The following EPC1 variants were observed in gnomAD, a reference collection of about 807,000 sequenced individuals.
EPC1 encodes the protein enhancer of polycomb homolog 1.
EPC1 carries 12 observed loss-of-function variants against 98.4 expected under a neutral mutation model. The observed-to-expected ratio is 0.12, with a 90% CI of 0.08 to 0.20. EPC1 has a LOEUF of 0.20. EPC1 is among the 10% of genes least tolerant of loss of function. The pLI is 1.00. For missense variants in EPC1, 729 were observed against 990.5 expected (o/e 0.74, Z 3.54); for synonymous variants, 357 against 363.9 (o/e 0.98, Z 0.21).
chr10:32,347,583 C>T (rs1315218556), upstream of EPC1: 1 of 152,030 alleles, frequency 6.6e-6, no homozygotes, highest in Non-Finnish European at 1.5e-5. Context: ...GGGCTCGGAC[C>T]TCTGGGGTGC....
intron 6 of EPC1, among the ~76,000 whole-genome samples, chr10:32,288,213 A>C (rs1334251144): frequency 1.3e-5 from 2 of 152,158 alleles, no homozygotes; most frequent in Admixed American, 1.3e-4. Context: ...TAATCAAATC[A>C]AAAGTTGGCC....
At chr10:32,333,066 G>A (rs975835966) in intron 1 of EPC1, among the ~76,000 whole-genome samples, 2 of 152,168 alleles carry the variant, frequency 1.3e-5, no homozygotes, top group African/African-American at 4.8e-5. Flanking sequence ...TTTTGGCTGG[G>A]CGCGGTGGCT....
At chr10:32,368,869 C>T (rs1314731683) in intron 1 of EPC1, among the ~76,000 whole-genome samples, 1 of 152,148 alleles carries the variant, frequency 6.6e-6, no homozygotes, top group African/African-American at 2.4e-5. Flanking sequence ...TTTAGATGCA[C>T]AAACTCATTG....
intron 1 of EPC1, among the ~76,000 whole-genome samples, chr10:32,309,493 C>CTTTTTTTTTT (rs67775039): frequency 1.4e-5 from 2 of 142,440 alleles, no homozygotes; most frequent in Non-Finnish European, 3.0e-5. Context: ...TATTTTCAAG[C>CTTTTTTTTTT]TTTTTTTTTT....
At chr10:32,286,516 C>T (rs10508773) in intron 9 of EPC1, 178 bp downstream of exon 9, 121,663 of 701,706 alleles carry the variant, frequency 0.17, 11,919 homozygotes, top group South Asian at 0.3. Context: ...ATGTCAAAAA[C>T]TATGGATGTG....
chr10:32,369,431 T>A (rs1839688091), intron 1 of EPC1, among the ~76,000 whole-genome samples: 1 of 152,034 alleles, frequency 6.6e-6, no homozygotes, highest in Non-Finnish European at 1.5e-5. Context: ...TAAATATAAA[T>A]AAGGCTCAGT....
intron 10 of EPC1, among the ~76,000 whole-genome samples, chr10:32,279,387 A>G (rs1467655063): frequency 6.6e-6 from 1 of 151,740 alleles, no homozygotes; most frequent in Non-Finnish European, 1.5e-5. Context: ...TGAATTTTGG[A>G]ACACATTTGA....
intron 1 of EPC1, among the ~76,000 whole-genome samples, chr10:32,307,038 T>C (rs963443227): frequency 1.3e-5 from 2 of 152,230 alleles, no homozygotes; most frequent in African/African-American, 4.8e-5. Context: ...TATATTCCTA[T>C]ATAAATGGAT....
chr10:32,325,224 A>C (rs1210313745), intron 1 of EPC1, among the ~76,000 whole-genome samples: 1 of 152,180 alleles, frequency 6.6e-6, no homozygotes, highest in Non-Finnish European at 1.5e-5. Flanking sequence ...ACTGTAAAAC[A>C]CAAAACAAAA....
At chr10:32,289,626 A>ATTT (rs758760913) in intron 6 of EPC1, among the ~76,000 whole-genome samples, 1 of 143,120 alleles carries the variant, frequency 7.0e-6, no homozygotes. Flanking sequence ...GTTTCATGAA[A>ATTT]TTTTTTTTTT....
intron 1 of EPC1, among the ~76,000 whole-genome samples, chr10:32,377,593 A>G (rs1283905669): frequency 6.6e-6 from 1 of 152,246 alleles, no homozygotes; most frequent in Non-Finnish European, 1.5e-5. Context: ...CAGTTCACAG[A>G]AAACATTTAA....
At chr10:32,349,830 C>G (rs980912851), upstream of EPC1, among the ~76,000 whole-genome samples, 1 of 152,140 alleles carries the variant, frequency 6.6e-6, no homozygotes, top group African/African-American at 2.4e-5. Flanking sequence ...GAGCTCCTGA[C>G]CTCAAGCAGT....
chr10:32,315,858 T>C (rs1207897360), intron 1 of EPC1, among the ~76,000 whole-genome samples: 2 of 152,202 alleles, frequency 1.3e-5, no homozygotes, highest in African/African-American at 4.8e-5. Flanking sequence ...CCTGTTAATA[T>C]ACAAGTCAGG....
Position 32,293,700 on chromosome 10 carries a change from C to T in EPC1, c.351G>A (p.Leu117=), listed in dbSNP as rs142506410. The T allele has an allele frequency of 1.6e-4, 262 of 1,613,216 alleles. 1 individual carries two copies. The African/African-American group carries it at 3.2e-3, about 20-fold the overall frequency. ...SLDAEQPDYD[L]DSEDEVFVNK... ...TCACAAATACTTCATCTTCAGAATCCAAATCATAATCAGGCTGTTCAGCAT... is the reference window on the plus strand; with the variant it reads ...TCACAAATACTTCATCTTCAGAATCTAAATCATAATCAGGCTGTTCAGCAT... The change falls in exon 3 of 14, where the codon TTG becomes TTA. Residue 117 remains leucine, a synonymous_variant. Coordinates refer to ENST00000319778, the MANE Select transcript of EPC1 (RefSeq NM_001272004.3).
chr10:32,286,879 G>T (rs750335446), intron 8 of EPC1, 37 bp from the exon 9 acceptor site: 2 of 1,610,972 alleles, frequency 1.2e-6, no homozygotes, highest in East Asian at 4.5e-5. Flanking sequence ...AATTTTGTCA[G>T]TTAAAGGTAA....
chr10:32,344,861 C>T (rs1436797598), intron 1 of EPC1, among the ~76,000 whole-genome samples: 1 of 152,172 alleles, frequency 6.6e-6, no homozygotes, highest in African/African-American at 2.4e-5. Flanking sequence ...AGCACTGATA[C>T]TTCATTGAGC....
At chr10:32,297,169 T>C (rs1389363728) in intron 2 of EPC1, among the ~76,000 whole-genome samples, 1 of 152,030 alleles carries the variant, frequency 6.6e-6, no homozygotes, top group East Asian at 1.9e-4. Context: ...TTCTGGGTCA[T>C]GTTATTGGAT....
chr10:32,356,314 A>T (rs904954711), intron 1 of EPC1, among the ~76,000 whole-genome samples: 4 of 152,152 alleles, frequency 2.6e-5, no homozygotes, highest in African/African-American at 9.7e-5. Flanking sequence ...CCAATTGCTT[A>T]GGTAAGCACT....
chr10:32,354,690 G>C (rs1014152442), intron 1 of EPC1, among the ~76,000 whole-genome samples: 2 of 148,302 alleles, frequency 1.3e-5, no homozygotes, highest in South Asian at 4.2e-4. Context: ...TATTGTAAAT[G>C]TGTAATGTGT....
Sources: allele counts gnomAD v4.1 joint callset (sites outside exome capture counted in the v4.1 genomes callset), GRCh38; gene constraint gnomAD v4.1.1; transcripts MANE v1.5; gene names NCBI Gene and HGNC (gene_info 2026-07-23, HGNC 2026-07-21).